Variants in TPM3 observed in about 807,000 individuals in gnomAD.
TPM3 encodes tropomyosin 3.
TPM3 carries 16 observed loss-of-function variants against 43.1 expected under a neutral mutation model. That is an observed-to-expected ratio of 0.37 (90% CI 0.25 to 0.56). TPM3 has a LOEUF of 0.56. TPM3 is among the 20% of genes least tolerant of loss of function. TPM3 has a pLI of 0.77. For synonymous variants in TPM3, 101 were observed against 116.9 expected (o/e 0.86, Z 0.88); for missense variants, 176 against 337.2 (o/e 0.52, Z 3.74).
chr1:154,170,861 A>T, intron 6 of TPM3, 150 bp from the exon 7 acceptor site: 1 of 657,722 alleles, frequency 1.5e-6, no homozygotes, highest in Admixed American at 2.5e-5. Flanking sequence ...TCTGGACAAT[A>T]GGTCCTTGAA....
chr1:154,189,009 G>A (rs1203045869), intron 2 of TPM3, among the ~76,000 whole-genome samples: 2 of 151,522 alleles, frequency 1.3e-5, no homozygotes, highest in Non-Finnish European at 2.9e-5. Context: ...GCAGCTGCCT[G>A]TAATCCCAGC....
Position 154,176,199 on chromosome 1 carries a change from T to C in TPM3, c.293A>G (p.Glu98Gly). ...GCGCTCCTGAGCACGGTCCAGCTCTTCTTCAACCAGCTGGATCCTACGGTT... is the reference window on the plus strand; with the variant it reads ...GCGCTCCTGAGCACGGTCCAGCTCTCCTTCAACCAGCTGGATCCTACGGTT... The part of the protein sequence containing the change: ...SLNRRIQLVE[E>G]ELDRAQERLA... The change falls in exon 3 of 10, where the codon GAA becomes GGA. Residue 98 changes from glutamate (E) to glycine (G), a missense_variant. Around this residue, in one of 4 missense-constraint regions of TPM3, gnomAD observed 82 missense variants for 148.8 expected, o/e 0.55. Coordinates refer to ENST00000651641, the MANE Select transcript of TPM3 (RefSeq NM_152263.4). The C allele has an allele frequency of 6.2e-7, 1 of 1,614,226 alleles. No individual in the cohort carries two copies.
At chr1:154,183,701 A>T (rs532687445) in intron 2 of TPM3, 1 of 175,922 alleles carries the variant, frequency 5.7e-6, no homozygotes, top group South Asian at 1.1e-4. Context: ...CTCCTTTCAA[A>T]GTCGGCTCAG....
downstream of TPM3, chr1:154,156,690 T>C (rs901473339): frequency 5.1e-6 from 1 of 195,912 alleles, no homozygotes; most frequent in Non-Finnish European, 1.1e-5. Flanking sequence ...TTAAAAAGTT[T>C]TGTACATAAG....
At position 154,163,149 on chromosome 1, in the gene TPM3, C is replaced by A. The variant is rs1449573311; in HGVS notation, c.*4788G>T. 6.6e-6 allele frequency among the ~76,000 whole-genome samples: 1 copy of A among 152,174 alleles called. No individual in the cohort carries two copies. The highest frequency in any genetic ancestry group is 1.5e-5 in the Non-Finnish European group (1 of 68,020). ...TAAGAAGTCTTTCTTCATGTCAAAG[C>A]CAACTTCTGCCCAGGATCTGAATAT... On this transcript the variant is annotated 3_prime_UTR_variant, in exon 10 of 10. Coordinates refer to ENST00000651641, the MANE Select transcript of TPM3 (RefSeq NM_152263.4).
chr1:154,177,210 C>T (rs1011786742), intron 2 of TPM3, among the ~76,000 whole-genome samples: 2 of 152,074 alleles, frequency 1.3e-5, no homozygotes, highest in African/African-American at 2.4e-5. Flanking sequence ...AAGTTGGCTA[C>T]AAGGAGCTGC....
chr1:154,191,430 T>C, intron 1 of TPM3, 119 bp from the exon 2 acceptor site: 1 of 1,539,406 alleles, frequency 6.5e-7, no homozygotes, highest in Non-Finnish European at 8.8e-7. Context: ...TGAGACACAC[T>C]TTCTCCCCAG....
downstream of TPM3, chr1:154,155,353 T>A: frequency 2.4e-6 from 1 of 409,732 alleles, no homozygotes; most frequent in South Asian, 2.7e-5. Context: ...TTTCTTCTGT[T>A]GCACACTGTT....
At chr1:154,158,947 G>A (rs1380707069), downstream of TPM3, 1 of 779,718 alleles carries the variant, frequency 1.3e-6, no homozygotes, top group South Asian at 1.3e-5. Context: ...TCAGTTTAAT[G>A]GGCATCATTG....
At chr1:154,190,044 C>T (rs1011816572) in intron 2 of TPM3, among the ~76,000 whole-genome samples, 5 of 152,000 alleles carry the variant, frequency 3.3e-5, no homozygotes, top group South Asian at 2.1e-4. Flanking sequence ...TGGGTTCAAG[C>T]GATTCTCCTG....
rs370010250 is a variant in TPM3, at chr1:154,177,834, T to C, written c.244-1586A>G. Among the ~76,000 whole-genome samples, 35 of 152,178 alleles carry C rather than the reference T, an allele frequency of 2.3e-4. No individual in the cohort carries two copies. In the South Asian group the frequency reaches 7.3e-3, roughly 32 times the overall value. ...TACAAACATGAGAAGCTGAAGAGAC[T>C]AGGAAGGGAAGCAGAGGGCTGGGGC... On this transcript the variant is annotated intron_variant, in intron 2 of 9. Coordinates refer to ENST00000651641, the MANE Select transcript of TPM3 (RefSeq NM_152263.4).
intron 2 of TPM3, among the ~76,000 whole-genome samples, chr1:154,177,100 T>C (rs1040744545): frequency 6.6e-6 from 1 of 152,144 alleles, no homozygotes; most frequent in African/African-American, 2.4e-5. Context: ...CAAGGGAATG[T>C]CTTCCAGAAT....
rs114799793 is a variant in TPM3, at chr1:154,186,527, C to T, written c.243+4659G>A. Reference sequence around the variant, plus strand: ...TATATCAACAGGTGTATATGTCCATCGTTGTCCCTTCTCTCCCCATCCTTC... The same window carrying T: ...TATATCAACAGGTGTATATGTCCATTGTTGTCCCTTCTCTCCCCATCCTTC... On this transcript the variant is annotated intron_variant, in intron 2 of 9. Transcript: ENST00000651641. Among the ~76,000 whole-genome samples the T allele has an allele frequency of 7.3e-4, 111 of 151,568 alleles. 3 individuals carry two copies. The highest frequency in any genetic ancestry group is 1.9e-3 in the South Asian group (9 of 4,824).
downstream of TPM3, among the ~76,000 whole-genome samples, chr1:154,160,618 A>G (rs1660252794): frequency 6.6e-6 from 1 of 152,142 alleles, no homozygotes; most frequent in African/African-American, 2.4e-5. Context: ...TTGAGTATGT[A>G]TGGGAGGTTT....
chr1:154,178,944 C>T (rs1241201692), intron 2 of TPM3, among the ~76,000 whole-genome samples: 1 of 152,180 alleles, frequency 6.6e-6, no homozygotes, highest in Non-Finnish European at 1.5e-5. Flanking sequence ...TTCGGCTATC[C>T]TCCACTCCAA....
At chr1:154,158,828 C>T (rs1558024722), downstream of TPM3, 1 of 679,662 alleles carries the variant, frequency 1.5e-6, no homozygotes, top group East Asian at 2.7e-5. Flanking sequence ...AGGAAATCAA[C>T]ATTCTAACTG....
rs34224787 is a variant in TPM3 at position 154,174,368 on chromosome 1, G to GTATATATATATA, written c.378-1179_378-1168dup. The stretch of plus-strand genomic sequence containing the variant: ...AAATAAATATTATTTAAATATATGT[G>GTATATATATATA]TATATATATATATATATATATATAT... On this transcript the variant is annotated intron_variant, in intron 3 of 9. Coordinates refer to ENST00000651641, the MANE Select transcript of TPM3 (RefSeq NM_152263.4). Among the ~76,000 whole-genome samples, 144 of 46,346 alleles carry GTATATATATATA rather than the reference G, an allele frequency of 3.1e-3. 2 individuals carry two copies. Among genetic ancestry groups the GTATATATATATA allele is most frequent in the Non-Finnish European group, 3.5e-3 (82 of 23,312 alleles). The allele number at this position is 46,346 out of a possible 152,430, so 30.4% of individuals were successfully genotyped here. A position where few individuals can be genotyped will look rare whatever the true frequency, so the allele number is the denominator to read the frequency against.
downstream of TPM3, among the ~76,000 whole-genome samples, chr1:154,160,889 ATG>A (rs1315549025): frequency 6.6e-6 from 1 of 151,984 alleles, no homozygotes; most frequent in African/African-American, 2.4e-5. Context: ...ACACATACAG[ATG>A]TGTGTGTTTG....
In TPM3 at chr1:154,162,997, G is replaced by C. The variant is rs562373211; in HGVS notation, c.*4940C>G. Among the ~76,000 whole-genome samples, 43 of 152,186 alleles carry C rather than the reference G, an allele frequency of 2.8e-4. No individual in the cohort carries two copies. The South Asian group carries it at 8.5e-3, about 30-fold the overall frequency. On this transcript the variant is annotated 3_prime_UTR_variant, in exon 10 of 10. Coordinates refer to ENST00000651641, the MANE Select transcript of TPM3 (RefSeq NM_152263.4). ...AGCTAATTTTTGTATTTTTAGTAGA[G>C]ACAGGTTTTCACCACGTTGGCCAGG...
Sources: allele counts gnomAD v4.1 joint callset (sites outside exome capture counted in the v4.1 genomes callset), GRCh38; gene constraint gnomAD v4.1.1; regional missense constraint gnomAD v4.1.1; transcripts MANE v1.5; gene names NCBI Gene and HGNC (gene_info 2026-07-23, HGNC 2026-07-21).